IRAG2: variants seen among roughly 807,000 people sequenced by gnomAD.
The protein encoded by IRAG2 is lymphoid restricted membrane protein.
In IRAG2, 45 loss-of-function variants were observed where a neutral mutation model predicts 69.9. That is an observed-to-expected ratio of 0.64 (90% confidence interval 0.51 to 0.83). The LOEUF (loss-of-function observed/expected upper bound fraction) is 0.83. Among genes scored for constraint, IRAG2 ranks in the 40% least tolerant of loss-of-function variants. The pLI is 0.00. For missense variants in IRAG2, 520 were observed against 587.0 expected (o/e 0.89, Z 1.18); for synonymous variants, 193 against 202.4 (o/e 0.95, Z 0.40).
upstream of IRAG2, among the ~76,000 whole-genome samples, chr12:25,003,123 C>T (rs187750061): frequency 5.9e-5 from 9 of 152,116 alleles, no homozygotes; most frequent in East Asian, 1.2e-3. Context: ...TTTTCTTCTT[C>T]CCAGTAATTC....
intron 14 of IRAG2, chr12:25,093,415 T>C (rs1343200697): frequency 6.5e-6 from 1 of 153,218 alleles, no homozygotes; most frequent in Non-Finnish European, 1.5e-5. Flanking sequence ...GATGCTGTAG[T>C]TGGAATAGCC....
At chr12:25,005,664 G>A (rs1944425449) in intron 2 of IRAG2, among the ~76,000 whole-genome samples, 1 of 152,196 alleles carries the variant, frequency 6.6e-6, no homozygotes, top group East Asian at 1.9e-4. Flanking sequence ...CGCCCCACAG[G>A]AAATATGCTT....
At chr12:25,042,793 C>A (rs1290067873) in intron 16 of IRAG2, among the ~76,000 whole-genome samples, 1 of 151,810 alleles carries the variant, frequency 6.6e-6, no homozygotes, top group Non-Finnish European at 1.5e-5. Context: ...AAAGCTATTT[C>A]TAAGACTTAT....
At chr12:25,100,298 T>C (rs1205758614) in intron 15 of IRAG2, among the ~76,000 whole-genome samples, 2 of 151,916 alleles carry the variant, frequency 1.3e-5, no homozygotes, top group Non-Finnish European at 2.9e-5. Context: ...TGCTGGGAGA[T>C]GTGAAATGGT....
At chr12:25,028,375 A>C (rs1944641400) in intron 9 of IRAG2, among the ~76,000 whole-genome samples, 1 of 152,102 alleles carries the variant, frequency 6.6e-6, no homozygotes, top group Admixed American at 6.6e-5. Flanking sequence ...GCAATTTTTA[A>C]TTTAATTGTG....
At chr12:25,073,797 T>C (rs1234266314) in intron 6 of IRAG2, among the ~76,000 whole-genome samples, 9 of 152,238 alleles carry the variant, frequency 5.9e-5, no homozygotes, top group African/African-American at 2.2e-4. Flanking sequence ...TGGAGATTCA[T>C]TCTGAAATAT....
At chr12:25,020,398 C>T (rs1263857545) in intron 6 of IRAG2, among the ~76,000 whole-genome samples, 1 of 152,160 alleles carries the variant, frequency 6.6e-6, no homozygotes, top group African/African-American at 2.4e-5. Context: ...TTTTGTTCAC[C>T]ATTGTAGCCT....
intron 21 of IRAG2, 59 bp downstream of exon 21, chr12:25,107,109 G>T: frequency 2.2e-6 from 2 of 893,386 alleles, no homozygotes; most frequent in South Asian, 1.6e-5. Context: ...GGTGAGGCAG[G>T]GCTGACAGTA....
At chr12:25,101,915 T>C in intron 16 of IRAG2, 1 of 620,936 alleles carries the variant, frequency 1.6e-6, no homozygotes, top group Non-Finnish European at 3.0e-6. Context: ...TTCTGAACTG[T>C]ACTTTTGGAT....
intron 16 of IRAG2, among the ~76,000 whole-genome samples, chr12:25,038,955 A>G (rs747311026): frequency 1.6e-4 from 25 of 152,210 alleles, no homozygotes; most frequent in Non-Finnish European, 1.6e-4. Flanking sequence ...TAGGGAATAG[A>G]TGGTAACAAA....
At chr12:25,036,540 A>C (rs1944703653) in intron 14 of IRAG2, 2 of 398,642 alleles carry the variant, frequency 5.0e-6, no homozygotes, top group Non-Finnish European at 8.9e-6. Flanking sequence ...TGATTATATA[A>C]TAGCATATGT....
At chr12:25,035,607 T>C (rs12815697) in intron 13 of IRAG2, 75,484 of 398,584 alleles carry the variant, frequency 0.19, 7,982 homozygotes, top group Middle Eastern at 0.25. Flanking sequence ...GTAATGAATG[T>C]TCTTTATTCA....
At chr12:25,083,389 C>T (rs370443500) in intron 9 of IRAG2, 34 bp from the exon 10 acceptor site, 36 of 1,430,628 alleles carry the variant, frequency 2.5e-5, no homozygotes, top group South Asian at 5.7e-5. Context: ...CTCCTGCCCC[C>T]CTAACTGCTT....
chr12:25,101,048 TTA>T (rs1948725561), intron 15 of IRAG2, 128 bp from the exon 16 acceptor site: 8 of 672,372 alleles, frequency 1.2e-5, no homozygotes, highest in African/African-American at 1.1e-4. Context: ...GCATGTCTTT[TTA>T]AAAAAAAAAC....
At chr12:25,008,032 C>T (rs756957948) in intron 2 of IRAG2, among the ~76,000 whole-genome samples, 13 of 152,020 alleles carry the variant, frequency 8.6e-5, no homozygotes, top group Admixed American at 1.3e-4. Context: ...AGAGTAATGG[C>T]AAAAACCACA....
intron 2 of IRAG2, among the ~76,000 whole-genome samples, chr12:25,007,724 G>T (rs945578828): frequency 6.6e-6 from 1 of 152,166 alleles, no homozygotes; most frequent in Non-Finnish European, 1.5e-5. Context: ...GTTTCACCAT[G>T]TTGGCCAGGC....
chr12:25,097,914 G>A (rs1257005801), intron 15 of IRAG2, among the ~76,000 whole-genome samples: 1 of 152,124 alleles, frequency 6.6e-6, no homozygotes, highest in African/African-American at 2.4e-5. Context: ...TGCTCATGCT[G>A]CCATTTAGTG....
chr12:25,058,129 G>A (rs923006180), intron 1 of IRAG2, among the ~76,000 whole-genome samples: 5 of 152,086 alleles, frequency 3.3e-5, no homozygotes, highest in African/African-American at 9.7e-5. Context: ...AGAACTGTTA[G>A]GACATAGCAT....
rs1944604415 is a variant in IRAG2 at position 25,024,099 on chromosome 12, A to G, written c.1383+178A>G. Among the ~76,000 whole-genome samples, 3 of 152,230 alleles carry G rather than the reference A, an allele frequency of 2.0e-5. No individual in the cohort carries two copies. The South Asian group carries it at 6.2e-4, about 32-fold the overall frequency. ...ATGGGATTTTCATGTCTGAACAGAGAAACTGTTACTTTTGCAATTATCCTT... is the reference window on the plus strand; with the variant it reads ...ATGGGATTTTCATGTCTGAACAGAGGAACTGTTACTTTTGCAATTATCCTT... On this transcript the variant is annotated intron_variant, in intron 8 of 38. Coordinates refer to the IRAG2 transcript ENST00000636465.
Sources: gnomAD v4.1 joint callset for allele counts (sites outside exome capture counted in the v4.1 genomes callset) on GRCh38, gnomAD v4.1.1 for gene constraint, MANE v1.5 for transcripts, NCBI Gene and HGNC (gene_info 2026-07-23, HGNC 2026-07-21) for gene names.